ART3: variants seen among roughly 807,000 people sequenced by gnomAD.
ART3 encodes ecto-ADP-ribosyltransferase 3.
ART3 carries 49 observed loss-of-function variants against 48.5 expected under a neutral mutation model. The ratio of observed to expected loss-of-function variants is 1.01; its 90% confidence interval spans 0.80 to 1.28. The LOEUF is 1.28. Among genes scored for constraint, ART3 ranks in the 50% most tolerant of loss-of-function variants. The pLI is 0.00. For missense variants in ART3, 438 were observed against 454.3 expected, an observed-to-expected ratio of 0.96 and a Z score of 0.33; for synonymous variants, 145 against 157.2, an observed-to-expected ratio of 0.92 and a Z score of 0.58.
intron 1 of ART3, among the ~76,000 whole-genome samples, chr4:76,053,234 T>G (rs1021932801): frequency 2.8e-4 from 43 of 152,336 alleles, no homozygotes; most frequent in African/African-American, 1.0e-3. Context: ...GGAATTGGAT[T>G]GTTTCTCATT....
chr4:76,022,370 C>T lies in ART3; in HGVS notation c.-10+11050C>T, dbSNP rs763347756. On this transcript the variant is annotated intron_variant, in intron 1 of 9. Coordinates refer to the ART3 transcript ENST00000341029. ...TGCAGGCAACAGCAAACCTACCTTT[C>T]CTTGCTAACTGCTTTCAGTAAATTC... 8 of 1,612,998 alleles carry T rather than the reference C, an allele frequency of 5.0e-6. No homozygotes were observed. In the Admixed American group the frequency reaches 8.3e-5, roughly 17 times the overall value.
intron 6 of ART3, among the ~76,000 whole-genome samples, 154 bp from the exon 7 acceptor site, chr4:76,100,641 A>G: frequency 6.6e-6 from 1 of 151,192 alleles, no homozygotes. Flanking sequence ...AAAAAAAAAA[A>G]AAAAAAATTC....
At chr4:76,089,853 G>A (rs1290437988) in intron 3 of ART3, among the ~76,000 whole-genome samples, 2 of 152,016 alleles carry the variant, frequency 1.3e-5, no homozygotes, top group Non-Finnish European at 1.5e-5. Flanking sequence ...AGGCCGAGGC[G>A]GGCAGATCAC....
At chr4:76,056,108 C>T (rs1207756436) in intron 1 of ART3, among the ~76,000 whole-genome samples, 1 of 152,202 alleles carries the variant, frequency 6.6e-6, no homozygotes, top group East Asian at 1.9e-4. Flanking sequence ...ACTTCGGTGA[C>T]AGTGCTGCTC....
Position 76,098,937 on chromosome 4 carries a change from A to C in ART3, c.815-18A>C. Reference sequence around the variant, plus strand: ...TCTGAGCATAGTACCATGTAATGAAAACATGTCTGTATTTCAGAATATTTT... The same window carrying C: ...TCTGAGCATAGTACCATGTAATGAACACATGTCTGTATTTCAGAATATTTT... On this transcript the variant is annotated intron_variant, in intron 4 of 11. Transcript: ENST00000355810. The C allele has an allele frequency of 6.3e-7, 1 of 1,597,648 alleles. No individual in the cohort carries two copies. The highest frequency in any genetic ancestry group is 8.6e-7 in the Non-Finnish European group (1 of 1,165,154).
chr4:76,056,164 T>C (rs1718659932), intron 1 of ART3, among the ~76,000 whole-genome samples: 1 of 152,234 alleles, frequency 6.6e-6, no homozygotes. Context: ...CTTCTTTAGC[T>C]TTTGTTCTAA....
chr4:76,064,707 T>C (rs1368202244), intron 1 of ART3, among the ~76,000 whole-genome samples: 2 of 152,230 alleles, frequency 1.3e-5, no homozygotes, highest in Non-Finnish European at 2.9e-5. Context: ...GTAACAGTGC[T>C]AACGTCCTCT....
chr4:76,105,406 T>C (rs1728250282), intron 10 of ART3: 2 of 972,274 alleles, frequency 2.1e-6, no homozygotes, highest in Middle Eastern at 4.1e-4. Context: ...AGCTTCTGTC[T>C]TGCAGGACTG....
intron 1 of ART3, among the ~76,000 whole-genome samples, chr4:76,039,243 G>A (rs1734729213): frequency 6.6e-6 from 1 of 152,082 alleles, no homozygotes; most frequent in Admixed American, 6.6e-5. Flanking sequence ...GGGATTACAG[G>A]CATGTGTTAC....
In ART3 at chr4:76,097,770, G is replaced by A. The variant is rs375729053; in HGVS notation, c.814+94G>A. On this transcript the variant is annotated intron_variant, in intron 4 of 11. Transcript: ENST00000355810. ...AGAGCTACCCCACCACTGTACTGTC[G>A]TTCTGTCAAACATCATTTTCTCAAG... The A allele has an allele frequency of 1.9e-5, 19 of 983,230 alleles. No homozygotes were observed. The African/African-American group carries it at 2.3e-4, about 12-fold the overall frequency. The allele number at this position is 983,230 out of a possible 1,614,324, so 60.9% of individuals were successfully genotyped here.
At chr4:76,105,457 G>T in intron 10 of ART3, 1 of 1,257,142 alleles carries the variant, frequency 8.0e-7, no homozygotes, top group Non-Finnish European at 1.0e-6. Flanking sequence ...CAAAATGAAT[G>T]GTGGTAACAT....
chr4:76,013,821 C>T (rs1732020595), intron 1 of ART3, among the ~76,000 whole-genome samples: 1 of 152,128 alleles, frequency 6.6e-6, no homozygotes, highest in Non-Finnish European at 1.5e-5. Flanking sequence ...GTTCATTTAG[C>T]ATGTGAAAAT....
upstream of ART3, among the ~76,000 whole-genome samples, chr4:76,071,980 C>T (rs908818632): frequency 6.6e-6 from 1 of 152,028 alleles, no homozygotes; most frequent in African/African-American, 2.4e-5. Context: ...GCAGTGGCAC[C>T]ATCATAGCTC....
In ART3 at chr4:76,046,774, G is replaced by A. The variant is rs569212462; in HGVS notation, c.-9-29107G>A. Among the ~76,000 whole-genome samples, 4 of 152,070 alleles carry A rather than the reference G, an allele frequency of 2.6e-5. No homozygotes were observed. The East Asian group carries it at 7.7e-4, about 29-fold the overall frequency. On this transcript the variant is annotated intron_variant, in intron 1 of 9. Transcript: ENST00000341029. ...TGGGACTTTCAGGAATAACAAAAAA[G>A]GCATGTGAAAAGAGCAAAGTCTCTC...
At chr4:76,013,110 T>C (rs1336237971) in intron 1 of ART3, among the ~76,000 whole-genome samples, 1 of 152,190 alleles carries the variant, frequency 6.6e-6, no homozygotes, top group Admixed American at 6.5e-5. Context: ...TTGTACAGAA[T>C]AATTGGAGGT....
At chr4:76,039,618 G>A (rs1303689444) in intron 1 of ART3, among the ~76,000 whole-genome samples, 2 of 152,180 alleles carry the variant, frequency 1.3e-5, no homozygotes, top group African/African-American at 4.8e-5. Context: ...TACAGAAAGT[G>A]CATGAATGCA....
At chr4:76,031,674 T>G (rs1226201731) in intron 1 of ART3, among the ~76,000 whole-genome samples, 1 of 152,254 alleles carries the variant, frequency 6.6e-6, no homozygotes, top group South Asian at 2.1e-4. Context: ...TACTTCCTAC[T>G]ACTGTACATT....
At chr4:76,103,442 G>T (rs1024412124) in intron 8 of ART3, among the ~76,000 whole-genome samples, 2 of 152,116 alleles carry the variant, frequency 1.3e-5, no homozygotes, top group Admixed American at 6.6e-5. Context: ...TTCATTTATT[G>T]AGTACCTTTT....
intron 3 of ART3, among the ~76,000 whole-genome samples, chr4:76,089,121 T>C (rs1724258399): frequency 1.3e-5 from 2 of 152,266 alleles, no homozygotes; most frequent in Non-Finnish European, 2.9e-5. Context: ...CAATAATTAC[T>C]TGCTAATGGG....
Sources: allele counts gnomAD v4.1 joint callset (sites outside exome capture counted in the v4.1 genomes callset), GRCh38; gene constraint gnomAD v4.1.1; transcripts MANE v1.5; gene names NCBI Gene and HGNC (gene_info 2026-07-23, HGNC 2026-07-21).